The following SORCS2 variants were observed in gnomAD, a reference collection of about 807,000 sequenced individuals.
SORCS2 encodes sortilin related VPS10 domain containing receptor 2.
A neutral mutation model predicts 141.6 loss-of-function variants in SORCS2; 100 were observed. That is an observed-to-expected ratio of 0.71 (90% confidence interval 0.60 to 0.83). The LOEUF is 0.83. SORCS2 is among the 40% of genes least tolerant of loss of function. The pLI is 0.00. For synonymous variants in SORCS2, 789 were observed against 676.9 expected (o/e 1.17, Z -2.57); for missense variants, 1,646 against 1,560.2 (o/e 1.05, Z -0.93).
At chr4:7,556,565 A>G (rs1714119841) in intron 3 of SORCS2, among the ~76,000 whole-genome samples, 1 of 152,146 alleles carries the variant, frequency 6.6e-6, no homozygotes, top group Non-Finnish European at 1.5e-5. Flanking sequence ...AATCTGCACA[A>G]AGTTCACTTT....
intron 1 of SORCS2, among the ~76,000 whole-genome samples, chr4:7,324,927 G>A (rs1404137742): frequency 6.6e-6 from 1 of 152,222 alleles, no homozygotes; most frequent in East Asian, 1.9e-4. Context: ...AGAAGCTGGC[G>A]GCAGCTCCTG....
intron 3 of SORCS2, among the ~76,000 whole-genome samples, chr4:7,612,648 C>T (rs1718486586): frequency 6.6e-6 from 1 of 152,206 alleles, no homozygotes; most frequent in Admixed American, 6.5e-5. Context: ...GGAGCTCTTG[C>T]CACCTGCCTC....
Position 7,728,447 on chromosome 4 carries a change from C to G in SORCS2, c.2967C>G (p.Thr989=), listed in dbSNP as rs753607311. ...EWREDVGLVV[T]RLLSKETSVP... ...GGGAAGACGTGGGCCTGGTGGTCACCCGGCTGCTCTCCAAGGTGTCCACCC... is the reference window on the plus strand; with the variant it reads ...GGGAAGACGTGGGCCTGGTGGTCACGCGGCTGCTCTCCAAGGTGTCCACCC... The change falls in exon 22 of 27, where the codon ACC becomes ACG. Residue 989 remains threonine (T), a synonymous_variant. Transcript: ENST00000507866. 6.2e-7 allele frequency: 1 copy of G among 1,612,490 alleles called. No homozygotes were observed. Among genetic ancestry groups the G allele is most frequent in the Non-Finnish European group, 8.5e-7 (1 of 1,179,390 alleles).
chr4:7,360,092 C>T (rs888841618), intron 1 of SORCS2, among the ~76,000 whole-genome samples: 1 of 152,076 alleles, frequency 6.6e-6, no homozygotes, highest in Non-Finnish European at 1.5e-5. Flanking sequence ...TAACGAAGGC[C>T]CCTGAGGCAG....
At chr4:7,628,355 TA>T (rs879902553) in intron 3 of SORCS2, among the ~76,000 whole-genome samples, 3 of 151,986 alleles carry the variant, frequency 2.0e-5, no homozygotes, top group Non-Finnish European at 4.4e-5. Flanking sequence ...CCATCTCTAC[TA>T]AAAATACAAA....
chr4:7,450,728 A>G (rs2109291372), intron 2 of SORCS2, among the ~76,000 whole-genome samples: 1 of 152,356 alleles, frequency 6.6e-6, no homozygotes, highest in South Asian at 2.1e-4. Context: ...TGAGTGCATG[A>G]ATGAGTGACT....
At chr4:7,480,452 C>A (rs1170199629) in intron 2 of SORCS2, among the ~76,000 whole-genome samples, 1 of 152,212 alleles carries the variant, frequency 6.6e-6, no homozygotes, top group Non-Finnish European at 1.5e-5. Context: ...GTTGGAGGAA[C>A]CTGACCCACT....
At chr4:7,586,352 A>G (rs951848701) in intron 3 of SORCS2, among the ~76,000 whole-genome samples, 1 of 152,180 alleles carries the variant, frequency 6.6e-6, no homozygotes, top group Admixed American at 6.5e-5. Context: ...GTTCCAAGGT[A>G]CATGTGCAGG....
intron 2 of SORCS2, among the ~76,000 whole-genome samples, chr4:7,424,962 G>A (rs1034640038): frequency 7.2e-5 from 11 of 152,238 alleles, no homozygotes; most frequent in Non-Finnish European, 1.3e-4. Context: ...CCGGAGGGCC[G>A]CGGGGTCAGC....
At chr4:7,209,276 A>G (rs1003071204) in intron 1 of SORCS2, among the ~76,000 whole-genome samples, 1 of 152,014 alleles carries the variant, frequency 6.6e-6, no homozygotes, top group Admixed American at 6.5e-5. Context: ...GTCTGTGAGG[A>G]CTTGCTGCTG....
At chr4:7,319,227 G>C (rs1487471663) in intron 1 of SORCS2, among the ~76,000 whole-genome samples, 1 of 152,014 alleles carries the variant, frequency 6.6e-6, no homozygotes, top group Non-Finnish European at 1.5e-5. Context: ...TGGACATTGT[G>C]TATAGAAGAG....
intron 1 of SORCS2, among the ~76,000 whole-genome samples, chr4:7,311,124 C>G (rs1397223775): frequency 6.6e-6 from 1 of 152,074 alleles, no homozygotes; most frequent in African/African-American, 2.4e-5. Context: ...CACCCACTGT[C>G]TCCTTCCCGC....
intron 20 of SORCS2, among the ~76,000 whole-genome samples, chr4:7,726,163 C>A (rs1209225317): frequency 6.6e-6 from 1 of 152,212 alleles, no homozygotes; most frequent in Non-Finnish European, 1.5e-5. Flanking sequence ...GATGACAGAG[C>A]CATGGCTCAT....
rs182563629 is a variant in SORCS2 at position 7,483,116 on chromosome 4, C to T, written c.549-48414C>T. 1.8e-3 allele frequency among the ~76,000 whole-genome samples: 267 copies of T among 152,072 alleles called. 2 individuals are homozygous for T. The highest frequency in any genetic ancestry group is 3.1e-3 in the Admixed American group (47 of 15,294). On this transcript the variant is annotated intron_variant, in intron 2 of 26. Coordinates refer to ENST00000507866, the MANE Select transcript of SORCS2 (RefSeq NM_020777.3). Reference sequence around the variant, plus strand: ...CGGGGGGATCATGAGGTCAGGAGATCGAGACCATCCTGGCTAACACGGTGA... The same window carrying T: ...CGGGGGGATCATGAGGTCAGGAGATTGAGACCATCCTGGCTAACACGGTGA...
chr4:7,591,644 G>A (rs114690376), intron 3 of SORCS2, among the ~76,000 whole-genome samples: 3 of 152,102 alleles, frequency 2.0e-5, no homozygotes, highest in African/African-American at 7.2e-5. Context: ...TTTGAATTCC[G>A]GCTCACGAGG....
chr4:7,402,340 A>G (rs1490265087), intron 2 of SORCS2, among the ~76,000 whole-genome samples: 1 of 152,228 alleles, frequency 6.6e-6, no homozygotes, highest in African/African-American at 2.4e-5. Context: ...AAAACATAAA[A>G]CACAATATAC....
At chr4:7,698,178 C>T (rs957100440) in intron 12 of SORCS2, among the ~76,000 whole-genome samples, 3 of 152,198 alleles carry the variant, frequency 2.0e-5, no homozygotes, top group African/African-American at 7.2e-5. Flanking sequence ...AGCTGGCCTG[C>T]CAACCTCATG....
At chr4:7,692,521 G>C (rs984171073) in intron 11 of SORCS2, among the ~76,000 whole-genome samples, 2 of 152,220 alleles carry the variant, frequency 1.3e-5, no homozygotes, top group African/African-American at 4.8e-5. Context: ...CTGCCAGGCT[G>C]TCCTCTCATC....
intron 1 of SORCS2, among the ~76,000 whole-genome samples, chr4:7,298,545 T>C (rs142084081): frequency 2.6e-5 from 4 of 152,244 alleles, no homozygotes; most frequent in Middle Eastern, 6.8e-3. Context: ...AGCAGGCTTC[T>C]TTGTGGACAG....
Sources: allele counts gnomAD v4.1 joint callset (sites outside exome capture counted in the v4.1 genomes callset), GRCh38; gene constraint gnomAD v4.1.1; transcripts MANE v1.5; gene names NCBI Gene and HGNC (gene_info 2026-07-23, HGNC 2026-07-21).